Variants in IQGAP2 observed in about 807,000 individuals in gnomAD.
IQGAP2 encodes IQ motif containing GTPase activating protein 2.
IQGAP2 carries 173 observed loss-of-function variants against 201.3 expected under a neutral mutation model. The ratio of observed to expected loss-of-function variants is 0.86; its 90% CI spans 0.76 to 0.98. The LOEUF is 0.98. IQGAP2 is among the 50% of genes least tolerant of loss of function. IQGAP2 has a pLI of 0.00. For synonymous variants in IQGAP2, 675 were observed against 673.9 expected (o/e 1.00, Z -0.03); for missense variants, 1,687 against 1,864.8 (o/e 0.90, Z 1.76).
chr5:76,661,506 A>C (rs2150454796), intron 21 of IQGAP2, among the ~76,000 whole-genome samples: 1 of 152,326 alleles, frequency 6.6e-6, no homozygotes, highest in East Asian at 1.9e-4. Context: ...CCAGATTTGC[A>C]GGCCAGTACT....
intron 2 of IQGAP2, among the ~76,000 whole-genome samples, chr5:76,559,147 C>T (rs562602539): frequency 3.3e-5 from 5 of 152,242 alleles, no homozygotes; most frequent in South Asian, 2.1e-4. Context: ...GTGATCCGCC[C>T]GCCTCAGCCT....
At chr5:76,630,707 C>A (rs531662420) in intron 14 of IQGAP2, among the ~76,000 whole-genome samples, 1 of 19,344 alleles carries the variant, frequency 5.2e-5, no homozygotes. Flanking sequence ...TTCTCAATTG[C>A]CAGTACTCTT....
At chr5:76,436,247 T>C (rs1752639817) in intron 1 of IQGAP2, among the ~76,000 whole-genome samples, 1 of 151,718 alleles carries the variant, frequency 6.6e-6, no homozygotes, top group Non-Finnish European at 1.5e-5. Flanking sequence ...GAACTTCCAA[T>C]AGTATGTTGA....
intron 2 of IQGAP2, among the ~76,000 whole-genome samples, chr5:76,530,013 T>G (rs990654890): frequency 6.6e-6 from 1 of 152,146 alleles, no homozygotes; most frequent in Non-Finnish European, 1.5e-5. Flanking sequence ...GGTTGTGTAA[T>G]GCAAATAGGA....
At chr5:76,597,415 C>G in intron 9 of IQGAP2, 24 bp from the exon 10 acceptor site, 1 of 1,612,042 alleles carries the variant, frequency 6.2e-7, no homozygotes, top group Non-Finnish European at 8.5e-7. Flanking sequence ...ACCATTCTGA[C>G]AAAACATGAA....
chr5:76,488,811 A>C (rs1002301340), intron 2 of IQGAP2, among the ~76,000 whole-genome samples: 2 of 152,230 alleles, frequency 1.3e-5, no homozygotes, highest in Admixed American at 6.5e-5. Flanking sequence ...AAACAGAGGC[A>C]AAAGTTTCTG....
chr5:76,414,865 G>C (rs1046200735), intron 1 of IQGAP2, among the ~76,000 whole-genome samples: 1 of 152,182 alleles, frequency 6.6e-6, no homozygotes, highest in African/African-American at 2.4e-5. Context: ...ACTGGACTCT[G>C]CCTGTAACTT....
At chr5:76,561,603 G>A (rs1744372507) in intron 2 of IQGAP2, among the ~76,000 whole-genome samples, 1 of 152,164 alleles carries the variant, frequency 6.6e-6, no homozygotes, top group South Asian at 2.1e-4. Flanking sequence ...ATAGTTACTT[G>A]AGAAAGGAGT....
chr5:76,511,367 G>C (rs770798251), intron 2 of IQGAP2, among the ~76,000 whole-genome samples: 5 of 152,134 alleles, frequency 3.3e-5, no homozygotes, highest in Non-Finnish European at 7.4e-5. Context: ...CAAAAGGAGT[G>C]GGGGAAGAAG....
At chr5:76,579,489 G>A (rs962291846) in intron 5 of IQGAP2, among the ~76,000 whole-genome samples, 1 of 150,936 alleles carries the variant, frequency 6.6e-6, no homozygotes, top group African/African-American at 2.4e-5. Context: ...CGGCTTTCAG[G>A]TAGGTCTTTA....
At chr5:76,567,977 C>G (rs1744869625) in intron 3 of IQGAP2, among the ~76,000 whole-genome samples, 1 of 152,128 alleles carries the variant, frequency 6.6e-6, no homozygotes, top group Non-Finnish European at 1.5e-5. Flanking sequence ...GTAGACATGT[C>G]ACCTCATCTA....
intron 13 of IQGAP2, among the ~76,000 whole-genome samples, chr5:76,612,863 G>A (rs574049305): frequency 2.0e-5 from 3 of 152,266 alleles, no homozygotes; most frequent in Admixed American, 6.5e-5. Context: ...TCTTCACTCC[G>A]TTTTTGTACT....
At chr5:76,530,641 C>G (rs1322569955) in intron 2 of IQGAP2, among the ~76,000 whole-genome samples, 2 of 58,690 alleles carry the variant, frequency 3.4e-5, no homozygotes, top group Non-Finnish European at 5.7e-5. Context: ...CAGGAGGGCT[C>G]TTTAACAATT....
At chr5:76,585,420 G>A (rs1411951464) in intron 5 of IQGAP2, among the ~76,000 whole-genome samples, 2 of 151,958 alleles carry the variant, frequency 1.3e-5, no homozygotes, top group African/African-American at 4.8e-5. Context: ...AAAAAGAGGA[G>A]GAAAGTGCAA....
intron 1 of IQGAP2, among the ~76,000 whole-genome samples, chr5:76,426,797 G>C (rs1287558408): frequency 1.3e-5 from 2 of 152,134 alleles, no homozygotes; most frequent in Non-Finnish European, 2.9e-5. Flanking sequence ...GGAAGGACAA[G>C]TAGGGGCCCT....
At chr5:76,576,644 G>A (rs1164257612) in intron 5 of IQGAP2, among the ~76,000 whole-genome samples, 1 of 152,162 alleles carries the variant, frequency 6.6e-6, no homozygotes, top group Non-Finnish European at 1.5e-5. Context: ...AAAGGAAAAT[G>A]CTTCTACAAT....
At chr5:76,702,287 A>C (rs1747472988) in intron 34 of IQGAP2, among the ~76,000 whole-genome samples, 195 bp from the exon 35 acceptor site, 1 of 152,134 alleles carries the variant, frequency 6.6e-6, no homozygotes, top group Non-Finnish European at 1.5e-5. Flanking sequence ...TACAGATCTC[A>C]ACAATAGCCA....
intron 2 of IQGAP2, among the ~76,000 whole-genome samples, chr5:76,559,304 C>T (rs1236529817): frequency 6.6e-6 from 1 of 152,178 alleles, no homozygotes; most frequent in Non-Finnish European, 1.5e-5. Context: ...TGGCTGATCC[C>T]GTCCCTCAAC....
intron 10 of IQGAP2, 48 bp downstream of exon 10, chr5:76,597,650 A>T (rs774848900): frequency 6.3e-7 from 1 of 1,591,198 alleles, no homozygotes. Flanking sequence ...CCTGCGTGCC[A>T]TGGCGCACTA....
Sources: allele counts gnomAD v4.1 joint callset (sites outside exome capture counted in the v4.1 genomes callset), GRCh38; gene constraint gnomAD v4.1.1; transcripts MANE v1.5; gene names NCBI Gene and HGNC (gene_info 2026-07-23, HGNC 2026-07-21).